SHANK2: variants seen among roughly 807,000 people sequenced by gnomAD.
The protein encoded by SHANK2 is SH3 and multiple ankyrin repeat domains protein 2.
Under a neutral mutation model 133.7 loss-of-function variants are expected in SHANK2, and 43 were observed. The observed-to-expected ratio is 0.32, with a 90% CI of 0.25 to 0.41. The LOEUF is 0.41. Among genes scored for constraint, SHANK2 ranks in the 10% least tolerant of loss-of-function variants. The pLI is 1.00. For missense variants in SHANK2, 1,994 were observed against 2,235.8 expected, an observed-to-expected ratio of 0.89 and a Z score of 2.18; for synonymous variants, 1,017 against 952.8, an observed-to-expected ratio of 1.07 and a Z score of -1.24.
intron 9 of SHANK2, among the ~76,000 whole-genome samples, chr11:71,060,769 G>T (rs1003502704): frequency 2.6e-5 from 4 of 152,112 alleles, no homozygotes; most frequent in Admixed American, 1.3e-4. Flanking sequence ...ACAAGGAAAC[G>T]AGCTGCTAGA....
intron 14 of SHANK2, among the ~76,000 whole-genome samples, chr11:70,703,923 C>G (rs1945601504): frequency 6.6e-6 from 1 of 152,254 alleles, no homozygotes; most frequent in Non-Finnish European, 1.5e-5. Context: ...CTGCCCAGCC[C>G]TGGGCTCCTG....
intron 4 of SHANK2, among the ~76,000 whole-genome samples, chr11:71,116,573 G>A (rs1046006540): frequency 1.3e-5 from 2 of 152,238 alleles, no homozygotes; most frequent in African/African-American, 4.8e-5. Context: ...GCAGGAAGCA[G>A]AAGTGAAGCT....
At chr11:70,924,511 C>T (rs1590838638) in intron 10 of SHANK2, among the ~76,000 whole-genome samples, 1 of 152,144 alleles carries the variant, frequency 6.6e-6, no homozygotes, top group African/African-American at 2.4e-5. Flanking sequence ...GGTTGGAGTG[C>T]AGTGGCACGA....
chr11:70,884,648 C>T (rs564574334), intron 11 of SHANK2, among the ~76,000 whole-genome samples: 15 of 152,322 alleles, frequency 9.8e-5, no homozygotes, highest in African/African-American at 2.6e-4. Flanking sequence ...CTACGGTGTC[C>T]GGTCCCCCCC....
chr11:70,937,710 T>C (rs1475622310), intron 10 of SHANK2, among the ~76,000 whole-genome samples: 3 of 151,352 alleles, frequency 2.0e-5, no homozygotes, highest in Non-Finnish European at 4.4e-5. Flanking sequence ...TGAGGGGCAA[T>C]AGAACATTTT....
At chr11:71,084,853 C>T (rs1951357284) in intron 8 of SHANK2, among the ~76,000 whole-genome samples, 1 of 152,134 alleles carries the variant, frequency 6.6e-6, no homozygotes, top group Non-Finnish European at 1.5e-5. Context: ...CCTGTGAACT[C>T]ATATGGGAAA....
intron 14 of SHANK2, among the ~76,000 whole-genome samples, chr11:70,713,791 C>T (rs1417357311): frequency 1.3e-5 from 2 of 152,206 alleles, no homozygotes; most frequent in Admixed American, 1.3e-4. Context: ...GCCACACACA[C>T]CATTTAAGTG....
In SHANK2 at chr11:70,820,530, G is replaced by T. The variant is rs1160968406; in HGVS notation, c.1327C>A (p.Arg443Ser). The change falls in exon 12 of 26, where the codon CGC becomes AGC. Residue 443 changes from arginine to serine, a missense_variant. Physicochemically the swap from Arg to Ser is moderately radical, Grantham distance 110. Coordinates refer to ENST00000601538, the MANE Select transcript of SHANK2 (RefSeq NM_012309.5). ...TGCAGCAGCTGGGGTGACAGGCTGC[G>T]GTGCGAGGTGGCCGTGGAGCAGACG... ...WAVCSTATSH[R>S]SLSPQLLQQM... 2.2e-5 allele frequency: 16 copies of T among 716,972 alleles called. No individual in the cohort carries two copies. Among genetic ancestry groups the T allele is most frequent in the Non-Finnish European group, 3.6e-5 (14 of 384,800 alleles). 44.4% of individuals were successfully genotyped at this position (716,972 alleles called of 1,614,324 possible). A position where few individuals can be genotyped will look rare whatever the true frequency, so the allele number is the denominator to read the frequency against.
intron 6 of SHANK2, among the ~76,000 whole-genome samples, chr11:71,106,402 G>A (rs1194680139): frequency 1.3e-5 from 2 of 152,156 alleles, no homozygotes. Context: ...AGGAGTTTAA[G>A]ACCAGCCTGG....
At chr11:70,742,590 C>T (rs532440139) in intron 14 of SHANK2, among the ~76,000 whole-genome samples, 3 of 152,192 alleles carry the variant, frequency 2.0e-5, no homozygotes, top group African/African-American at 4.8e-5. Context: ...CGCCACCCCC[C>T]ACCCGGCTCT....
chr11:70,829,292 G>C (rs1948692124), intron 11 of SHANK2, among the ~76,000 whole-genome samples: 1 of 152,204 alleles, frequency 6.6e-6, no homozygotes. Context: ...CCACGCAGCA[G>C]CACTCACAGC....
intron 2 of SHANK2, among the ~76,000 whole-genome samples, chr11:71,191,582 G>T (rs1010619644): frequency 8.5e-5 from 13 of 152,064 alleles, no homozygotes; most frequent in South Asian, 2.1e-4. Flanking sequence ...TGGAGATGGG[G>T]TCTCACTCTG....
At chr11:71,128,152 G>A (rs1278109045) in intron 3 of SHANK2, among the ~76,000 whole-genome samples, 1 of 152,196 alleles carries the variant, frequency 6.6e-6, no homozygotes, top group Non-Finnish European at 1.5e-5. Context: ...TGGCCCATGA[G>A]TCTCGGCCTC....
At chr11:71,133,977 C>A (rs546114541) in intron 3 of SHANK2, among the ~76,000 whole-genome samples, 5 of 150,746 alleles carry the variant, frequency 3.3e-5, no homozygotes, top group Non-Finnish European at 7.4e-5. Context: ...CCAGGTGATC[C>A]CCCTGCCTGA....
rs192462749 is a variant in SHANK2 at position 70,853,363 on chromosome 11, C to A, written c.1175-32681G>T. Among the ~76,000 whole-genome samples the A allele has an allele frequency of 2.0e-4, 30 of 152,300 alleles. No individual in the cohort carries two copies. In the East Asian group the frequency reaches 5.8e-3, roughly 29 times the overall value. The stretch of plus-strand genomic sequence containing the variant: ...GTGCGGGAGAGGGTGTGAGTCACAG[C>A]GGCCGTGGGGACAGACAAGACCCTG... On this transcript the variant is annotated intron_variant, in intron 11 of 25. Transcript: ENST00000601538.
In SHANK2 at chr11:71,073,988, C is replaced by T. The variant is rs897067662; in HGVS notation, c.1029+1171G>A. Among the ~76,000 whole-genome samples the T allele has an allele frequency of 1.8e-4, 28 of 152,298 alleles. 1 individual carries two copies. Among genetic ancestry groups the T allele is most frequent in the South Asian group, 1.4e-3 (7 of 4,830 alleles). ...GTGGACAAGAGAGCCCGGCTCCTCA[C>T]GCATCTTATGGAGCATGGACAGCAT... is the stretch of plus-strand genomic sequence containing the variant. On this transcript the variant is annotated intron_variant, in intron 9 of 25. Transcript: ENST00000601538.
chr11:70,772,984 G>C (rs1185044121), intron 14 of SHANK2, among the ~76,000 whole-genome samples: 1 of 152,202 alleles, frequency 6.6e-6, no homozygotes, highest in African/African-American at 2.4e-5. Flanking sequence ...TCCAGATCCA[G>C]CTGAAGAGCC....
intron 17 of SHANK2, among the ~76,000 whole-genome samples, chr11:70,585,086 C>T (rs1391541073): frequency 2.6e-5 from 4 of 152,216 alleles, no homozygotes; most frequent in Admixed American, 6.5e-5. Context: ...AATACCGCCT[C>T]GCAGCCCCTC....
At chr11:70,662,870 C>T (rs1451415531) in intron 15 of SHANK2, among the ~76,000 whole-genome samples, 1 of 152,152 alleles carries the variant, frequency 6.6e-6, no homozygotes, top group South Asian at 2.1e-4. Context: ...CCTCCACCCC[C>T]ACCTTCTGGG....
Sources: allele counts gnomAD v4.1 joint callset (sites outside exome capture counted in the v4.1 genomes callset), GRCh38; gene constraint gnomAD v4.1.1; transcripts MANE v1.5; gene names NCBI Gene and HGNC (gene_info 2026-07-23, HGNC 2026-07-21).